Variants in NRG3 observed in about 807,000 individuals in gnomAD.
NRG3 encodes the protein pro-neuregulin-3, membrane-bound isoform.
Under a neutral mutation model 66.9 loss-of-function variants are expected in NRG3, and 31 were observed. That is an observed-to-expected ratio of 0.46 (90% confidence interval 0.35 to 0.63). The LOEUF is 0.63. Ranked by LOEUF, NRG3 falls within the 20% of genes least tolerant of loss-of-function variation. NRG3 has a pLI of 0.00. For synonymous variants in NRG3, 393 were observed against 359.4 expected (o/e 1.09, Z -1.06); for missense variants, 910 against 878.9 (o/e 1.04, Z -0.45).
chr10:82,257,019 C>T lies in NRG3; in HGVS notation c.824-101720C>T, dbSNP rs975988057. ...ACGACAGGGTTTATAACCAGTACTACTTCTCATGCCATTTGCTCTGATTTT... is the reference window on the plus strand; with the variant it reads ...ACGACAGGGTTTATAACCAGTACTATTTCTCATGCCATTTGCTCTGATTTT... On this transcript the variant is annotated intron_variant, in intron 1 of 8. Coordinates refer to ENST00000372141, the MANE Select transcript of NRG3 (RefSeq NM_001010848.4). Among the ~76,000 whole-genome samples the T allele has an allele frequency of 4.6e-5, 7 of 152,246 alleles. No homozygotes were observed. In the East Asian group the frequency reaches 5.8e-4, roughly 13 times the overall value.
chr10:82,729,849 G>C (rs2057799958), intron 2 of NRG3, among the ~76,000 whole-genome samples: 1 of 152,136 alleles, frequency 6.6e-6, no homozygotes, highest in Non-Finnish European at 1.5e-5. Flanking sequence ...CCTTGTAGTT[G>C]AGCAAACTCA....
At chr10:82,148,508 A>T (rs1181186004) in intron 1 of NRG3, among the ~76,000 whole-genome samples, 1 of 150,788 alleles carries the variant, frequency 6.6e-6, no homozygotes, top group Admixed American at 6.6e-5. Context: ...ATCTTGTCTT[A>T]TTTTTTTTTC....
rs552337818 is a variant in NRG3, at chr10:82,000,390, T to A, written c.823+124227T>A. On this transcript the variant is annotated intron_variant, in intron 1 of 8. Transcript: ENST00000372141. ...TTTTTTCCTTCTTGGCCACATAATG[T>A]CATTTTGGAGTTGTGAGCCATGGGG... 5.9e-5 allele frequency among the ~76,000 whole-genome samples: 9 copies of A among 152,166 alleles called. No homozygotes were observed. The East Asian group carries it at 1.4e-3, about 23-fold the overall frequency.
chr10:82,763,366 A>C, intron 3 of NRG3, among the ~76,000 whole-genome samples: 1 of 152,316 alleles, frequency 6.6e-6, no homozygotes, highest in African/African-American at 2.4e-5. Context: ...TCTTAGTAAA[A>C]TATATTTGAA....
chr10:82,240,348 G>C (rs768738421), intron 1 of NRG3, among the ~76,000 whole-genome samples: 4 of 152,024 alleles, frequency 2.6e-5, no homozygotes, highest in Admixed American at 1.3e-4. Flanking sequence ...TTCCAAATAT[G>C]AAGATGAAAG....
chr10:82,890,269 T>G (rs1483206493), intron 4 of NRG3, among the ~76,000 whole-genome samples: 3 of 151,990 alleles, frequency 2.0e-5, no homozygotes, highest in Non-Finnish European at 4.4e-5. Context: ...AAAGGACAAA[T>G]CCGTGTAACC....
chr10:82,978,753 C>T (rs537866077), intron 7 of NRG3, among the ~76,000 whole-genome samples, 197 bp from the exon 8 acceptor site: 12 of 152,306 alleles, frequency 7.9e-5, no homozygotes, highest in African/African-American at 2.9e-4. Flanking sequence ...TTCTCAGTGT[C>T]TCCAAAGGTA....
chr10:82,796,658 T>C (rs919464658), intron 3 of NRG3, among the ~76,000 whole-genome samples: 1 of 152,178 alleles, frequency 6.6e-6, no homozygotes, highest in African/African-American at 2.4e-5. Flanking sequence ...AATTATTTTC[T>C]CATTTATTAT....
intron 2 of NRG3, among the ~76,000 whole-genome samples, chr10:82,395,567 G>C (rs1162758315): frequency 6.6e-6 from 1 of 152,154 alleles, no homozygotes; most frequent in Non-Finnish European, 1.5e-5. Flanking sequence ...GTCTTTTAAA[G>C]TAAATTATAG....
chr10:82,327,545 G>C (rs1456792029), intron 1 of NRG3, among the ~76,000 whole-genome samples: 1 of 152,182 alleles, frequency 6.6e-6, no homozygotes, highest in Non-Finnish European at 1.5e-5. Flanking sequence ...AGCGGAGGCA[G>C]AGATGTGAAT....
At chr10:82,090,723 G>C (rs2065979647) in intron 1 of NRG3, among the ~76,000 whole-genome samples, 1 of 147,380 alleles carries the variant, frequency 6.8e-6, no homozygotes, top group South Asian at 2.2e-4. Context: ...AATGTTAATG[G>C]GGGCAAAACA....
intron 2 of NRG3, among the ~76,000 whole-genome samples, chr10:82,427,154 T>C (rs2089502372): frequency 1.3e-5 from 2 of 152,200 alleles, no homozygotes; most frequent in Admixed American, 1.3e-4. Context: ...TTTTACTTTT[T>C]CATTTTCAAT....
intron 3 of NRG3, among the ~76,000 whole-genome samples, chr10:82,856,003 G>C (rs931961241): frequency 1.3e-5 from 2 of 152,304 alleles, no homozygotes; most frequent in East Asian, 3.9e-4. Context: ...GTAGATTCAA[G>C]TGAGTAGAAT....
intron 2 of NRG3, among the ~76,000 whole-genome samples, chr10:82,477,097 A>C (rs1841852857): frequency 6.6e-6 from 1 of 152,152 alleles, no homozygotes; most frequent in Non-Finnish European, 1.5e-5. Flanking sequence ...ATGTTCAAAA[A>C]GGTCCATAAA....
At chr10:82,132,035 T>G (rs2068859448) in intron 1 of NRG3, among the ~76,000 whole-genome samples, 1 of 152,106 alleles carries the variant, frequency 6.6e-6, no homozygotes, top group Non-Finnish European at 1.5e-5. Context: ...TTTCTGTCTC[T>G]TGTCTGAGTG....
chr10:81,919,263 A>G (rs972941926), intron 1 of NRG3, among the ~76,000 whole-genome samples: 14 of 152,186 alleles, frequency 9.2e-5, no homozygotes, highest in Admixed American at 4.6e-4. Context: ...GGATATAAGA[A>G]TATATAAGAA....
At chr10:82,843,593 T>C (rs2063166520) in intron 3 of NRG3, among the ~76,000 whole-genome samples, 1 of 152,162 alleles carries the variant, frequency 6.6e-6, no homozygotes, top group African/African-American at 2.4e-5. Flanking sequence ...AGCATATTAG[T>C]TATTAAAATA....
intron 4 of NRG3, among the ~76,000 whole-genome samples, chr10:82,943,629 C>G (rs1848758493): frequency 1.3e-5 from 2 of 152,022 alleles, no homozygotes; most frequent in Admixed American, 6.6e-5. Context: ...CTTCAGGATC[C>G]CAGAAGATGG....
intron 2 of NRG3, among the ~76,000 whole-genome samples, chr10:82,688,481 TAGTC>T (rs1467761651): frequency 2.6e-5 from 4 of 152,308 alleles, no homozygotes; most frequent in African/African-American, 9.6e-5. Flanking sequence ...AGATTGTTCT[TAGTC>T]AGTCTTCATG....
Sources: gnomAD v4.1 joint callset for allele counts (sites outside exome capture counted in the v4.1 genomes callset) on GRCh38, gnomAD v4.1.1 for gene constraint, MANE v1.5 for transcripts, NCBI Gene and HGNC (gene_info 2026-07-23, HGNC 2026-07-21) for gene names.